The following ZBTB40 variants were observed in gnomAD, a reference collection of about 807,000 sequenced individuals.
ZBTB40 encodes the protein zinc finger and BTB domain-containing protein 40.
Under a neutral mutation model 117.5 loss-of-function variants are expected in ZBTB40, and 60 were observed. The ratio of observed to expected loss-of-function variants is 0.51; its 90% CI spans 0.41 to 0.63. The LOEUF (loss-of-function observed/expected upper bound fraction) is 0.63, where lower values mean the gene tolerates loss of function less well. ZBTB40 is among the 30% of genes least tolerant of loss of function. The pLI is 0.00. For synonymous variants in ZBTB40, 525 were observed against 577.1 expected (o/e 0.91, Z 1.29); for missense variants, 1,287 against 1,498.5 (o/e 0.86, Z 2.33).
chr1:22,447,176 T>A (rs1170761172), upstream of ZBTB40, among the ~76,000 whole-genome samples: 2 of 152,160 alleles, frequency 1.3e-5, no homozygotes, highest in Non-Finnish European at 2.9e-5. Context: ...TTGCCAAAAT[T>A]CCATTTTTAA....
At chr1:22,484,089 G>A (rs1411713013) in intron 1 of ZBTB40, among the ~76,000 whole-genome samples, 1 of 152,134 alleles carries the variant, frequency 6.6e-6, no homozygotes, top group African/African-American at 2.4e-5. Flanking sequence ...TGGGCTTTCT[G>A]TTCTGTTCCA....
chr1:22,486,012 G>T (rs115281645), intron 1 of ZBTB40, among the ~76,000 whole-genome samples: 3,421 of 151,724 alleles, frequency 0.023, 91 homozygotes, highest in Admixed American at 0.066. Context: ...AAAAATCCTG[G>T]TGTGCTAATT....
intron 1 of ZBTB40, among the ~76,000 whole-genome samples, chr1:22,430,861 T>A (rs1408164975): frequency 6.6e-6 from 1 of 152,158 alleles, no homozygotes; most frequent in Non-Finnish European, 1.5e-5. Context: ...TTGTTATTAG[T>A]TCCCACTTCT....
intron 10 of ZBTB40, 62 bp downstream of exon 10, chr1:22,511,409 AAG>A (rs1639228751): frequency 6.3e-7 from 1 of 1,595,388 alleles, no homozygotes; most frequent in Non-Finnish European, 8.6e-7. Context: ...TTCTTGAAGA[AAG>A]AGACAGCATT....
At chr1:22,454,270 T>A (rs1450432370) in intron 1 of ZBTB40, among the ~76,000 whole-genome samples, 1 of 152,208 alleles carries the variant, frequency 6.6e-6, no homozygotes, top group Non-Finnish European at 1.5e-5. Flanking sequence ...AATATTTTAG[T>A]GTCTCCATGT....
chr1:22,473,884 GCCATTTATTAGCTCTGTGGC>G (rs1641476529), intron 1 of ZBTB40, among the ~76,000 whole-genome samples: 1 of 152,180 alleles, frequency 6.6e-6, no homozygotes, highest in South Asian at 2.1e-4. Context: ...TGTGGATTTT[GCCATTTATTAGCTCTGTGGC>G]CCTTAACAAG....
At chr1:22,462,257 TCAGA>T (rs933647142) in intron 1 of ZBTB40, among the ~76,000 whole-genome samples, 7 of 152,046 alleles carry the variant, frequency 4.6e-5, no homozygotes, top group African/African-American at 1.7e-4. Flanking sequence ...GGCTCTAGAG[TCAGA>T]CAGCATGAGT....
rs924517089 is a variant in ZBTB40 at position 22,530,363 on chromosome 1, G to A, written c.*3967G>A. On this transcript the variant is annotated 3_prime_UTR_variant, in exon 18 of 18. Transcript: ENST00000375647. ...CTTGTTTTGTTGTCATGGAAACTTC[G>A]GGGCTGGTGGGACTTAGGCCAAAAG... 2.6e-5 allele frequency: 4 copies of A among 152,208 alleles called. No homozygotes were observed. The highest frequency in any genetic ancestry group is 4.4e-5 in the Non-Finnish European group (3 of 68,024). The allele number at this position is 152,208 out of a possible 1,614,324, so 9.4% of individuals were successfully genotyped here. A position where few individuals can be genotyped will look rare whatever the true frequency, so the allele number is the denominator to read the frequency against.
At position 22,529,138 on chromosome 1, in the gene ZBTB40, G is replaced by T. The variant is rs957149005; in HGVS notation, c.*2742G>T. On this transcript the variant is annotated 3_prime_UTR_variant, in exon 18 of 18. Coordinates refer to ENST00000375647, the MANE Select transcript of ZBTB40 (RefSeq NM_014870.4). ...TAGGAAAACTTTCTGACTCTGCTTG[G>T]CCATTTTATCCTTTTCTCCTACTTC... 5 of 152,352 alleles carry T rather than the reference G, an allele frequency of 3.3e-5. No individual in the cohort carries two copies. Among genetic ancestry groups the T allele is most frequent in the African/African-American group, 1.2e-4 (5 of 41,426 alleles). 9.4% of individuals were successfully genotyped at this position (152,352 alleles called of 1,614,324 possible). A position where few individuals can be genotyped will look rare whatever the true frequency, so the allele number is the denominator to read the frequency against.
At chr1:22,464,157 T>G (rs1641197654) in intron 1 of ZBTB40, among the ~76,000 whole-genome samples, 1 of 152,230 alleles carries the variant, frequency 6.6e-6, no homozygotes, top group African/African-American at 2.4e-5. Flanking sequence ...AAGGTACTAT[T>G]ACTATCTGCA....
chr1:22,466,709 T>C (rs1186732074), intron 1 of ZBTB40, among the ~76,000 whole-genome samples: 6 of 151,836 alleles, frequency 4.0e-5, no homozygotes, highest in Non-Finnish European at 7.4e-5. Flanking sequence ...TGTATTCAAA[T>C]CCTTTGCCCA....
rs767913519 is a variant in ZBTB40, at chr1:22,433,432, C to CAAAAAAAAAAAAAAAAAA, written c.-70+4426_-70+4443dup. ...TGGGCGACAGAGCAAGACGCCCTCT[C>CAAAAAAAAAAAAAAAAAA]AAAAAAAAAAAAAAAAAAAAAAAAA... On this transcript the variant is annotated intron_variant, in intron 1 of 8. Coordinates refer to the ZBTB40 transcript ENST00000650433. Among the ~76,000 whole-genome samples the CAAAAAAAAAAAAAAAAAA allele has an allele frequency of 3.7e-3, 32 of 8,766 alleles. 3 individuals are homozygous for CAAAAAAAAAAAAAAAAAA. Among genetic ancestry groups the CAAAAAAAAAAAAAAAAAA allele is most frequent in the Admixed American group, 7.1e-3 (3 of 422 alleles). The allele number at this position is 8,766 out of a possible 152,430, so 5.8% of individuals were successfully genotyped here. A position where few individuals can be genotyped will look rare whatever the true frequency, so the allele number is the denominator to read the frequency against.
At chr1:22,485,314 A>T (rs10917238) in intron 1 of ZBTB40, among the ~76,000 whole-genome samples, 60,091 of 152,010 alleles carry the variant, frequency 0.4, 14,761 homozygotes, top group African/African-American at 0.66. Context: ...TGATTCACCT[A>T]CTTTAATAGA....
intron 13 of ZBTB40, 61 bp downstream of exon 13, chr1:22,517,525 A>G: frequency 1.3e-6 from 2 of 1,573,822 alleles, no homozygotes; most frequent in Non-Finnish European, 1.7e-6. Flanking sequence ...AAAGCGTGTC[A>G]ATTGCAGCAG....
In ZBTB40 at chr1:22,490,128, C is replaced by T. The variant is rs1371902580; in HGVS notation, c.180C>T (p.Ser60=). The change falls in exon 2 of 18, where the codon TCC becomes TCT. Residue 60 remains serine (S), a synonymous_variant. Coordinates refer to ENST00000375647, the MANE Select transcript of ZBTB40 (RefSeq NM_014870.4). ...TGCTGGATAACACAGATACCATCTC[C>T]ATCGATGCATCTGTGGTGAGCCCCG... The part of the protein sequence containing the change: ...KTLLDNTDTI[S]IDASVVSPEE... 12 of 1,614,096 alleles carry T rather than the reference C, an allele frequency of 7.4e-6. No homozygotes were observed. The highest frequency in any genetic ancestry group is 9.3e-6 in the Non-Finnish European group (11 of 1,180,052).
chr1:22,505,725 G>A (rs151201192), intron 5 of ZBTB40, among the ~76,000 whole-genome samples: 13 of 152,318 alleles, frequency 8.5e-5, no homozygotes, highest in African/African-American at 2.6e-4. Context: ...AAAGAACCAG[G>A]TTAGAGGTAG....
rs772071723 is a variant in ZBTB40 at position 22,511,340 on chromosome 1, A to G, written c.1995A>G (p.Ala665=). 22 of 1,613,926 alleles carry G rather than the reference A, an allele frequency of 1.4e-5. No homozygotes were observed. Among genetic ancestry groups the G allele is most frequent in the East Asian group, 2.2e-5 (1 of 44,886 alleles). ...TGCAGCCTGTCATGCAGGAGTTGGCATACATTGGTAAGGAACGGGCCAGGT... is the reference window on the plus strand; with the variant it reads ...TGCAGCCTGTCATGCAGGAGTTGGCGTACATTGGTAAGGAACGGGCCAGGT... ...PGLQPVMQEL[A]YIGVLTKEDG... Residue 665 remains alanine (A), a synonymous_variant, in exon 10 of 18, where the codon GCA becomes GCG. Transcript: ENST00000375647.
rs777999884 is a variant in ZBTB40 at position 22,490,191 on chromosome 1, C to T, written c.243C>T (p.Gly81=). 4.3e-5 allele frequency: 70 copies of T among 1,614,070 alleles called. No individual in the cohort carries two copies. The highest frequency in any genetic ancestry group is 5.8e-5 in the Non-Finnish European group (68 of 1,180,034). ...FALLLEMMYT[G]KLPVGKHNFS... is the part of the protein sequence containing the mutation. ...TCTTGTTGGAAATGATGTACACGGG[C>T]AAACTACCTGTGGGCAAGCACAACT... The change falls in exon 2 of 18, where the codon GGC becomes GGT. Residue 81 remains glycine (G), a synonymous_variant. Coordinates refer to ENST00000375647, the MANE Select transcript of ZBTB40 (RefSeq NM_014870.4).
At chr1:22,501,756 G>T in intron 4 of ZBTB40, 72 bp downstream of exon 4, 1 of 1,512,584 alleles carries the variant, frequency 6.6e-7, no homozygotes, top group South Asian at 1.2e-5. Context: ...TTGTTCCAAT[G>T]ACATGTTTCT....
Sources: gnomAD v4.1 joint callset for allele counts (sites outside exome capture counted in the v4.1 genomes callset) on GRCh38, gnomAD v4.1.1 for gene constraint, MANE v1.5 for transcripts, NCBI Gene and HGNC (gene_info 2026-07-23, HGNC 2026-07-21) for gene names.